The following PLCB1 variants were observed in gnomAD, a reference collection of about 807,000 sequenced individuals.
PLCB1 encodes phospholipase C beta 1.
A neutral mutation model predicts 161.8 loss-of-function variants in PLCB1; 46 were observed. That is an observed-to-expected ratio of 0.28 (90% CI 0.22 to 0.36). PLCB1 has a LOEUF of 0.36. Among genes scored for constraint, PLCB1 ranks in the 10% least tolerant of loss-of-function variants. The probability of loss-of-function intolerance (pLI) is 1.00; values close to 1 mark genes in which losing one functional copy is unlikely to be tolerated. For synonymous variants in PLCB1, 517 were observed against 503.7 expected, an observed-to-expected ratio of 1.03 and a Z score of -0.35; for missense variants, 1,016 against 1,472.5, an observed-to-expected ratio of 0.69 and a Z score of 5.07.
intron 18 of PLCB1, chr20:8,729,947 A>AT: frequency 6.6e-6 from 1 of 152,074 alleles, no homozygotes; most frequent in South Asian, 2.1e-4. Context: ...ACCAGACAAA[A>AT]ATGTGTTATT....
intron 3 of PLCB1, among the ~76,000 whole-genome samples, chr20:8,465,308 A>G (rs1600088828): frequency 1.3e-5 from 2 of 152,326 alleles, no homozygotes; most frequent in African/African-American, 4.8e-5. Flanking sequence ...CTACAAAAGT[A>G]GTATGATGCA....
intron 2 of PLCB1, among the ~76,000 whole-genome samples, chr20:8,337,494 T>TG (rs1212205268): frequency 6.6e-6 from 1 of 152,266 alleles, no homozygotes; most frequent in African/African-American, 2.4e-5. Context: ...ATTTAGCCTT[T>TG]GAGAGCATCC....
intron 31 of PLCB1, among the ~76,000 whole-genome samples, chr20:8,839,352 G>A (rs149679181): frequency 6.6e-6 from 1 of 152,240 alleles, no homozygotes; most frequent in Non-Finnish European, 1.5e-5. Context: ...GCTCATTTGG[G>A]TGTGTTACTC....
chr20:8,234,711 T>C (rs1351110558), intron 2 of PLCB1, among the ~76,000 whole-genome samples: 1 of 152,154 alleles, frequency 6.6e-6, no homozygotes, highest in Non-Finnish European at 1.5e-5. Flanking sequence ...TTTGACTTTG[T>C]GGATTTGGCA....
chr20:8,708,833 T>C, intron 12 of PLCB1, 81 bp downstream of exon 12: 1 of 828,530 alleles, frequency 1.2e-6, no homozygotes, highest in East Asian at 2.5e-5. Context: ...TTTAAGATTA[T>C]TTGACATGAT....
chr20:8,372,735 C>T (rs1322739699), intron 3 of PLCB1, among the ~76,000 whole-genome samples: 1 of 152,134 alleles, frequency 6.6e-6, no homozygotes, highest in African/African-American at 2.4e-5. Flanking sequence ...TTTTCTTCTT[C>T]CCCCAACAAC....
At chr20:8,148,315 T>A (rs982814561) in intron 1 of PLCB1, among the ~76,000 whole-genome samples, 2 of 149,240 alleles carry the variant, frequency 1.3e-5, no homozygotes, top group African/African-American at 4.9e-5. Flanking sequence ...TAAACTATTT[T>A]AAAAATTAGT....
At chr20:8,813,174 A>G (rs1984914489) in intron 31 of PLCB1, among the ~76,000 whole-genome samples, 1 of 152,252 alleles carries the variant, frequency 6.6e-6, no homozygotes, top group Admixed American at 6.5e-5. Context: ...ATTAGGTCAC[A>G]TGGAACAAAA....
chr20:8,854,436 A>G (rs1335668451), intron 31 of PLCB1, among the ~76,000 whole-genome samples: 1 of 152,184 alleles, frequency 6.6e-6, no homozygotes, highest in Non-Finnish European at 1.5e-5. Context: ...TCAAGGCACT[A>G]ATGAGTAAGG....
chr20:8,830,812 G>A (rs1985945173), intron 31 of PLCB1, among the ~76,000 whole-genome samples: 1 of 152,106 alleles, frequency 6.6e-6, no homozygotes, highest in Non-Finnish European at 1.5e-5. Context: ...ATTTTGCATA[G>A]ATGTCACAAG....
chr20:8,155,100 G>A (rs1416656389), intron 2 of PLCB1, among the ~76,000 whole-genome samples: 1 of 152,138 alleles, frequency 6.6e-6, no homozygotes, highest in Non-Finnish European at 1.5e-5. Context: ...TCACTACCTG[G>A]TTTGGATGGC....
intron 2 of PLCB1, among the ~76,000 whole-genome samples, chr20:8,234,649 A>G (rs1980230626): frequency 6.6e-6 from 1 of 152,142 alleles, no homozygotes; most frequent in Non-Finnish European, 1.5e-5. Flanking sequence ...AGTGAACATG[A>G]AATTCTGTGT....
chr20:8,317,458 G>A (rs569239072), intron 2 of PLCB1, among the ~76,000 whole-genome samples: 11 of 152,104 alleles, frequency 7.2e-5, no homozygotes, highest in Non-Finnish European at 1.3e-4. Flanking sequence ...TTCATCACTA[G>A]TGGAGTGTTT....
At chr20:8,274,274 C>T (rs1296352106) in intron 2 of PLCB1, among the ~76,000 whole-genome samples, 2 of 151,932 alleles carry the variant, frequency 1.3e-5, no homozygotes, top group African/African-American at 4.8e-5. Flanking sequence ...ATTGGCTTAA[C>T]ATCATTTTAA....
At chr20:8,803,539 C>T (rs1353404499) in intron 31 of PLCB1, among the ~76,000 whole-genome samples, 3 of 150,934 alleles carry the variant, frequency 2.0e-5, no homozygotes, top group Non-Finnish European at 4.4e-5. Context: ...CATGTCCTCT[C>T]AACAGTGATC....
At chr20:8,873,330 T>C (rs1177674430) in intron 31 of PLCB1, among the ~76,000 whole-genome samples, 1 of 152,180 alleles carries the variant, frequency 6.6e-6, no homozygotes, top group African/African-American at 2.4e-5. Context: ...TCTATGAATG[T>C]ATGATTTTAA....
intron 3 of PLCB1, among the ~76,000 whole-genome samples, chr20:8,455,585 C>T (rs570933518): frequency 9.9e-5 from 15 of 151,648 alleles, no homozygotes; most frequent in African/African-American, 3.6e-4. Flanking sequence ...GGACTACCGG[C>T]ACCCGCCACC....
chr20:8,149,632 A>G (rs6039052), intron 1 of PLCB1, among the ~76,000 whole-genome samples: 1 of 152,146 alleles, frequency 6.6e-6, no homozygotes, highest in African/African-American at 2.4e-5. Flanking sequence ...TGCAGATGGT[A>G]TGTCTTTCTG....
chr20:8,684,173 C>A (rs527935968), intron 9 of PLCB1, among the ~76,000 whole-genome samples: 5 of 150,528 alleles, frequency 3.3e-5, no homozygotes, highest in African/African-American at 1.2e-4. Context: ...CGTGAGCCAC[C>A]GCGCCCAGCC....
Sources: gnomAD v4.1 joint callset for allele counts (sites outside exome capture counted in the v4.1 genomes callset) on GRCh38, gnomAD v4.1.1 for gene constraint, MANE v1.5 for transcripts, NCBI Gene and HGNC (gene_info 2026-07-23, HGNC 2026-07-21) for gene names.